Variants in UBTD1 observed in about 807,000 individuals in gnomAD.
UBTD1 encodes ubiquitin domain-containing protein 1.
Under a neutral mutation model 21.7 loss-of-function variants are expected in UBTD1, and 19 were observed. The observed-to-expected ratio is 0.87, with a 90% CI of 0.61 to 1.28. UBTD1 has a LOEUF of 1.28. Among genes scored for constraint, UBTD1 ranks in the 50% most tolerant of loss-of-function variants. UBTD1 has a pLI of 0.00. For synonymous variants in UBTD1, 116 were observed against 135.1 expected (o/e 0.86, Z 0.98); for missense variants, 282 against 315.1 (o/e 0.89, Z 0.80).
chr10:97,564,042 A>T (rs1433459405), intron 1 of UBTD1, among the ~76,000 whole-genome samples: 1 of 152,090 alleles, frequency 6.6e-6, no homozygotes, highest in African/African-American at 2.4e-5. Flanking sequence ...CTGCAGGCGG[A>T]TGGCAGTTGG....
intron 1 of UBTD1, among the ~76,000 whole-genome samples, chr10:97,539,951 A>G (rs556430564): frequency 4.6e-5 from 7 of 152,132 alleles, no homozygotes; most frequent in Non-Finnish European, 7.4e-5. Context: ...AGGCCCTTCC[A>G]AACAACCACC....
At chr10:97,553,593 C>A (rs1247053593) in intron 1 of UBTD1, among the ~76,000 whole-genome samples, 1 of 152,198 alleles carries the variant, frequency 6.6e-6, no homozygotes, top group Non-Finnish European at 1.5e-5. Flanking sequence ...TACACACTTA[C>A]CTCTGGGCCT....
At chr10:97,547,934 T>C (rs2040618922) in intron 1 of UBTD1, among the ~76,000 whole-genome samples, 1 of 151,788 alleles carries the variant, frequency 6.6e-6, no homozygotes, top group South Asian at 2.1e-4. Context: ...AATTGTGTAA[T>C]GGTTAAAGCA....
In UBTD1 at chr10:97,567,908, G is replaced by C. The variant is rs774797529; in HGVS notation, c.71-6G>C. Reference sequence around the variant, plus strand: ...GATGCTGAGCCTCTCCTTCTGTCCTGCCCAGGACGCAATGAGCCCCTGAAG... The same window carrying C: ...GATGCTGAGCCTCTCCTTCTGTCCTCCCCAGGACGCAATGAGCCCCTGAAG... On this transcript the variant is annotated splice_region_variant and splice_polypyrimidine_tract_variant and intron_variant, in intron 1 of 2. Transcript: ENST00000370664. The C allele has an allele frequency of 5.6e-6, 9 of 1,614,024 alleles. No individual in the cohort carries two copies. In the South Asian group the frequency reaches 8.8e-5, roughly 16 times the overall value.
intron 1 of UBTD1, among the ~76,000 whole-genome samples, chr10:97,546,762 T>G (rs1486124015): frequency 9.2e-5 from 14 of 152,218 alleles, no homozygotes; most frequent in Admixed American, 7.9e-4. Context: ...CCTTGCTGCT[T>G]TTCCCATTGG....
intron 1 of UBTD1, among the ~76,000 whole-genome samples, chr10:97,530,547 A>G (rs774321635): frequency 1.3e-5 from 2 of 152,202 alleles, no homozygotes; most frequent in African/African-American, 2.4e-5. Context: ...TTGAAGTGTT[A>G]TATTTATTCT....
intron 1 of UBTD1, among the ~76,000 whole-genome samples, chr10:97,544,923 G>A (rs1193450529): frequency 1.3e-5 from 2 of 152,048 alleles, no homozygotes; most frequent in African/African-American, 2.4e-5. Context: ...TTGTCTTCAT[G>A]TTGAGTAGGC....
intron 1 of UBTD1, among the ~76,000 whole-genome samples, chr10:97,507,825 C>A (rs2040405860): frequency 7.0e-6 from 1 of 142,488 alleles, no homozygotes; most frequent in Non-Finnish European, 1.5e-5. Flanking sequence ...AGGAAAGGGG[C>A]TGGAACACCT....
intron 1 of UBTD1, among the ~76,000 whole-genome samples, chr10:97,535,005 A>G (rs1372720509): frequency 2.0e-5 from 3 of 151,978 alleles, no homozygotes; most frequent in South Asian, 4.2e-4. Context: ...TGAGGCCCAC[A>G]CTCCTCTTTG....
At chr10:97,539,483 T>C (rs1039236192) in intron 1 of UBTD1, among the ~76,000 whole-genome samples, 3 of 151,762 alleles carry the variant, frequency 2.0e-5, no homozygotes, top group African/African-American at 7.3e-5. Context: ...TGGTCCCAGC[T>C]ACTCGGGAGG....
chr10:97,517,648 CTTCTT>C (rs893559843), intron 1 of UBTD1, among the ~76,000 whole-genome samples: 1 of 152,152 alleles, frequency 6.6e-6, no homozygotes, highest in African/African-American at 2.4e-5. Flanking sequence ...ATCAGGGAGG[CTTCTT>C]TTCTGGCCCT....
chr10:97,522,418 C>T (rs1271808817), intron 1 of UBTD1, among the ~76,000 whole-genome samples: 1 of 152,242 alleles, frequency 6.6e-6, no homozygotes, highest in African/African-American at 2.4e-5. Flanking sequence ...CTTTGTGTCT[C>T]TCACTCACTG....
chr10:97,546,799 C>T (rs768854643), intron 1 of UBTD1, among the ~76,000 whole-genome samples: 1 of 152,078 alleles, frequency 6.6e-6, no homozygotes, highest in African/African-American at 2.4e-5. Context: ...GTGCATTCAG[C>T]TCCTGATATT....
intron 1 of UBTD1, among the ~76,000 whole-genome samples, chr10:97,566,261 A>G (rs895200537): frequency 7.5e-6 from 1 of 133,836 alleles, no homozygotes; most frequent in Non-Finnish European, 1.6e-5. Context: ...GTTTCCTTGC[A>G]TATTGAGATT....
intron 1 of UBTD1, among the ~76,000 whole-genome samples, chr10:97,562,943 G>T (rs2040699859): frequency 1.3e-5 from 2 of 152,138 alleles, no homozygotes; most frequent in Admixed American, 1.3e-4. Flanking sequence ...GAGAGATAAT[G>T]GGCGATGTTT....
At chr10:97,499,986 C>T (rs1025302893) in intron 1 of UBTD1, among the ~76,000 whole-genome samples, 3 of 152,162 alleles carry the variant, frequency 2.0e-5, no homozygotes, top group Non-Finnish European at 4.4e-5. Flanking sequence ...CATTTCGCCC[C>T]GGGAAGAGGT....
At chr10:97,508,735 A>G (rs2040409352) in intron 1 of UBTD1, among the ~76,000 whole-genome samples, 1 of 152,136 alleles carries the variant, frequency 6.6e-6, no homozygotes, top group Non-Finnish European at 1.5e-5. Flanking sequence ...CCTAGAAGCC[A>G]TGTGAGTCCA....
intron 1 of UBTD1, among the ~76,000 whole-genome samples, chr10:97,525,279 G>T (rs2040483308): frequency 6.6e-6 from 1 of 152,180 alleles, no homozygotes; most frequent in South Asian, 2.1e-4. Context: ...CCAAAACAGA[G>T]AATCTCTTTT....
At chr10:97,504,511 C>T (rs953354071) in intron 1 of UBTD1, among the ~76,000 whole-genome samples, 2 of 152,200 alleles carry the variant, frequency 1.3e-5, no homozygotes, top group African/African-American at 4.8e-5. Flanking sequence ...CCTCCCAGGC[C>T]ATTTCATTTA....
Sources: allele counts gnomAD v4.1 joint callset (sites outside exome capture counted in the v4.1 genomes callset), GRCh38; gene constraint gnomAD v4.1.1; transcripts MANE v1.5; gene names NCBI Gene and HGNC (gene_info 2026-07-23, HGNC 2026-07-21).